Variants in SEC14L1 observed in about 807,000 individuals in gnomAD.
The protein encoded by SEC14L1 is SEC14-like protein 1.
Under a neutral mutation model 85.3 loss-of-function variants are expected in SEC14L1, and 48 were observed. That is an observed-to-expected ratio of 0.56 (90% CI 0.45 to 0.72). The LOEUF is 0.72. Among genes scored for constraint, SEC14L1 ranks in the 30% least tolerant of loss-of-function variants. The pLI, the probability that SEC14L1 is intolerant of heterozygous loss-of-function variation, is 0.00. For synonymous variants in SEC14L1, 391 were observed against 355.5 expected (o/e 1.10, Z -1.12); for missense variants, 682 against 921.4 (o/e 0.74, Z 3.36).
At chr17:77,174,591 C>T (rs11077892) in intron 3 of SEC14L1, among the ~76,000 whole-genome samples, 51,163 of 151,936 alleles carry the variant, frequency 0.34, 9,130 homozygotes, top group South Asian at 0.43. Flanking sequence ...CGTTGCTAAG[C>T]GTCCGGGTTT....
At chr17:77,125,274 G>C (rs1400607259) in intron 3 of SEC14L1, among the ~76,000 whole-genome samples, 14 of 151,962 alleles carry the variant, frequency 9.2e-5, no homozygotes, top group African/African-American at 3.4e-4. Context: ...TGGGATTACA[G>C]GCATGAGCCA....
chr17:77,117,100 C>G (rs1001828207), intron 3 of SEC14L1, among the ~76,000 whole-genome samples: 3 of 152,212 alleles, frequency 2.0e-5, no homozygotes, highest in Admixed American at 2.0e-4. Context: ...GTAATCCCAG[C>G]ATTTTGGGAG....
Position 77,200,684 on chromosome 17 carries a change from G to T in SEC14L1, c.1009+11G>T. The T allele has an allele frequency of 6.2e-7, 1 of 1,604,458 alleles. No homozygotes were observed. The highest frequency in any genetic ancestry group is 8.5e-7 in the Non-Finnish European group (1 of 1,174,982). ...ATCATCACGACAAAGGTACCGGATG[G>T]AGTTGAAACTGTGTTTCCATCGTTG... On this transcript the variant is annotated intron_variant, in intron 9 of 16. Transcript: ENST00000436233.
chr17:77,204,863 G>A (rs575185606), intron 10 of SEC14L1, among the ~76,000 whole-genome samples: 13 of 152,228 alleles, frequency 8.5e-5, no homozygotes, highest in African/African-American at 2.9e-4. Context: ...GCAAAGGATC[G>A]CTTGAGCCAT....
intron 3 of SEC14L1, among the ~76,000 whole-genome samples, chr17:77,103,999 A>G (rs1598221498): frequency 6.6e-6 from 1 of 151,892 alleles, no homozygotes; most frequent in African/African-American, 2.4e-5. Flanking sequence ...GTCAGCTCAC[A>G]GCTCAATACC....
intron 3 of SEC14L1, among the ~76,000 whole-genome samples, chr17:77,155,661 C>T (rs565866205): frequency 9.8e-5 from 15 of 152,308 alleles, no homozygotes; most frequent in Admixed American, 3.9e-4. Context: ...CCAGAGAGAT[C>T]GGTACATTGT....
intron 9 of SEC14L1, among the ~76,000 whole-genome samples, chr17:77,202,144 G>A (rs1976181469): frequency 6.6e-6 from 1 of 152,150 alleles, no homozygotes; most frequent in African/African-American, 2.4e-5. Context: ...AGTATGATAG[G>A]AGTTAGGCTC....
At chr17:77,117,720 T>C (rs1425296655) in intron 3 of SEC14L1, among the ~76,000 whole-genome samples, 1 of 152,170 alleles carries the variant, frequency 6.6e-6, no homozygotes, top group East Asian at 1.9e-4. Flanking sequence ...TCCAATGAAG[T>C]TGGGCAAAGG....
chr17:77,117,136 T>G (rs925994080), intron 3 of SEC14L1, among the ~76,000 whole-genome samples: 2 of 152,022 alleles, frequency 1.3e-5, no homozygotes, highest in Non-Finnish European at 2.9e-5. Context: ...TCACGTGAGG[T>G]CAGGAGTTCG....
intron 3 of SEC14L1, among the ~76,000 whole-genome samples, chr17:77,154,821 A>G (rs1973736613): frequency 1.3e-5 from 2 of 152,128 alleles, no homozygotes; most frequent in African/African-American, 4.8e-5. Context: ...ATAAGCGTCC[A>G]GTTTGTAAAT....
chr17:77,200,326 G>A lies in SEC14L1; in HGVS notation c.820-158G>A, dbSNP rs575134968. On this transcript the variant is annotated intron_variant, in intron 8 of 16. Transcript: ENST00000436233. ...TGGGATTACAGGCATGCACCACCAT[G>A]CCTGGCTGATTTTTGTATTTTTAGT... Among the ~76,000 whole-genome samples the A allele has an allele frequency of 7.9e-5, 12 of 152,088 alleles. No individual in the cohort carries two copies. In the South Asian group the frequency reaches 2.5e-3, roughly 32 times the overall value.
intron 3 of SEC14L1, among the ~76,000 whole-genome samples, chr17:77,178,206 C>T (rs957646765): frequency 2.0e-5 from 3 of 151,996 alleles, no homozygotes; most frequent in African/African-American, 7.3e-5. Flanking sequence ...AGGAGACCGT[C>T]GTCAGTAATT....
intron 3 of SEC14L1, among the ~76,000 whole-genome samples, chr17:77,120,334 G>A (rs1165308618): frequency 1.3e-5 from 2 of 152,152 alleles, no homozygotes; most frequent in African/African-American, 4.8e-5. Context: ...GGGATTTCCT[G>A]GAGCATGTCA....
chr17:77,120,569 C>T (rs1366484179), intron 3 of SEC14L1, among the ~76,000 whole-genome samples: 1 of 152,170 alleles, frequency 6.6e-6, no homozygotes, highest in South Asian at 2.1e-4. Context: ...CTCTGCCTCC[C>T]AGGTTCAAGC....
At chr17:77,123,861 G>A (rs950195142) in intron 3 of SEC14L1, among the ~76,000 whole-genome samples, 1 of 152,214 alleles carries the variant, frequency 6.6e-6, no homozygotes. Flanking sequence ...AAGATGTAGC[G>A]AAACGGATGC....
chr17:77,096,474 A>G (rs182512045), intron 3 of SEC14L1, among the ~76,000 whole-genome samples: 2 of 151,706 alleles, frequency 1.3e-5, no homozygotes, highest in African/African-American at 4.8e-5. Context: ...GGAGAACCGC[A>G]TGAACCTGGG....
Position 77,206,242 on chromosome 17 carries a change from C to A in SEC14L1, c.1183C>A (p.Leu395Met). Residue 395 changes from leucine to methionine, a missense_variant, in exon 12 of 17, where the codon CTG becomes ATG. Transcript: ENST00000436233. The surrounding 1 kb of genome is among the most constrained non-coding windows in gnomAD (Gnocchi z 4.3). ...FGRPISSWTCLVDLEGLNMRH... is the reference protein window; with the variant it reads ...FGRPISSWTCMVDLEGLNMRH... ...CACAACCTGCAGCTCATGGACCTGC[C>A]TGGTGGACTTGGAAGGGCTGAACAT... 1 of 1,614,024 alleles carries A rather than the reference C, an allele frequency of 6.2e-7. No homozygotes were observed. The highest frequency in any genetic ancestry group is 8.5e-7 in the Non-Finnish European group (1 of 1,179,952).
chr17:77,153,173 T>G (rs1300632467), intron 3 of SEC14L1, among the ~76,000 whole-genome samples: 2 of 152,236 alleles, frequency 1.3e-5, no homozygotes, highest in African/African-American at 4.8e-5. Context: ...GTTCCAGCGA[T>G]TCTCCTGCCT....
At chr17:77,131,570 G>A (rs1439999539) in intron 3 of SEC14L1, among the ~76,000 whole-genome samples, 1 of 152,174 alleles carries the variant, frequency 6.6e-6, no homozygotes. Context: ...ACACCCAGCT[G>A]TAGTGGGTCT....
Sources: gnomAD v4.1 joint callset for allele counts (sites outside exome capture counted in the v4.1 genomes callset) on GRCh38, gnomAD v4.1.1 for gene constraint, Gnocchi (gnomAD v3.1) non-coding constraint, MANE v1.5 for transcripts, NCBI Gene and HGNC (gene_info 2026-07-23, HGNC 2026-07-21) for gene names.